SLC35F5: variants seen among roughly 807,000 people sequenced by gnomAD.
The protein encoded by SLC35F5 is solute carrier family 35 member F5.
SLC35F5 carries 54 observed loss-of-function variants against 68.6 expected under a neutral mutation model. The observed-to-expected ratio is 0.79, with a 90% CI of 0.63 to 0.99. The LOEUF is 0.99. Among genes scored for constraint, SLC35F5 ranks in the 50% least tolerant of loss-of-function variants. The probability of loss-of-function intolerance (pLI) is 0.00; values close to 1 mark genes in which losing one functional copy is unlikely to be tolerated. For synonymous variants in SLC35F5, 211 were observed against 205.2 expected, an observed-to-expected ratio of 1.03 and a Z score of -0.24; for missense variants, 567 against 626.9, an observed-to-expected ratio of 0.90 and a Z score of 1.02.
chr2:113,747,137 A>C (rs1676524560), intron 4 of SLC35F5, among the ~76,000 whole-genome samples: 1 of 151,886 alleles, frequency 6.6e-6, no homozygotes, highest in Admixed American at 6.6e-5. Context: ...AAAATGCAAA[A>C]ATTAGCTAGG....
In SLC35F5 at chr2:113,750,695, G is replaced by A. The variant is rs189666873; in HGVS notation, c.274-127C>T. 1,631 of 772,222 alleles carry A rather than the reference G, an allele frequency of 2.1e-3. 4 individuals carry two copies. Among genetic ancestry groups the A allele is most frequent in the Non-Finnish European group, 2.7e-3 (1,407 of 521,804 alleles). 47.8% of individuals were successfully genotyped at this position (772,222 alleles called of 1,614,324 possible). Reference sequence around the variant, plus strand: ...TCACTTGGAAAGAAAAAGTCAAAGCGATTACAAAAGTATTTTAGATCCATT... The same window carrying A: ...TCACTTGGAAAGAAAAAGTCAAAGCAATTACAAAAGTATTTTAGATCCATT... On this transcript the variant is annotated intron_variant, in intron 3 of 15. Coordinates refer to ENST00000245680, the MANE Select transcript of SLC35F5 (RefSeq NM_025181.5).
In SLC35F5 at chr2:113,756,356, C is replaced by A; in HGVS notation, c.40+14G>T. On this transcript the variant is annotated intron_variant, in intron 1 of 15. Coordinates refer to ENST00000245680, the MANE Select transcript of SLC35F5 (RefSeq NM_025181.5). Reference sequence around the variant, plus strand: ...GGGCTCCGGTGATGTCGGGGCCCTTCCCTGCCTGCCTACCTGGCCTTCCTG... The same window carrying A: ...GGGCTCCGGTGATGTCGGGGCCCTTACCTGCCTGCCTACCTGGCCTTCCTG... The A allele has an allele frequency of 6.4e-7, 1 of 1,570,754 alleles. No individual in the cohort carries two copies. The highest frequency in any genetic ancestry group is 2.4e-5 in the East Asian group (1 of 42,128).
At chr2:113,725,228 C>A (rs1687611754) in intron 12 of SLC35F5, 150 bp downstream of exon 12, 3 of 638,936 alleles carry the variant, frequency 4.7e-6, no homozygotes, top group Admixed American at 7.1e-5. Flanking sequence ...AAAACAAAGT[C>A]CCTGCTCTAG....
intron 14 of SLC35F5, 40 bp downstream of exon 14, chr2:113,719,114 A>G: frequency 6.4e-7 from 1 of 1,574,026 alleles, no homozygotes; most frequent in South Asian, 1.2e-5. Context: ...GTTATCTAGC[A>G]AACACTATTT....
At chr2:113,737,054 C>T (rs1479872067) in intron 7 of SLC35F5, among the ~76,000 whole-genome samples, 1 of 152,174 alleles carries the variant, frequency 6.6e-6, no homozygotes, top group African/African-American at 2.4e-5. Context: ...AGGTAGATTG[C>T]TGGGTCAAGC....
chr2:113,717,910 CCTT>C, intron 14 of SLC35F5, 60 bp from the exon 15 acceptor site: 1 of 1,210,530 alleles, frequency 8.3e-7, no homozygotes, highest in South Asian at 1.3e-5. Flanking sequence ...GAACCTCAAA[CCTT>C]ATTTATTCCA....
In SLC35F5 at chr2:113,712,685, A is replaced by C. The variant is rs1687032322; in HGVS notation, c.*2533T>G. On this transcript the variant is annotated 3_prime_UTR_variant, in exon 16 of 16. Coordinates refer to ENST00000245680, the MANE Select transcript of SLC35F5 (RefSeq NM_025181.5). ...TAGTTGAGATTCTGATGTTCACCTA[A>C]CAAAGTCCCTGACAAAACAGACTTC... The C allele has an allele frequency of 6.6e-6, 1 of 152,250 alleles. No individual in the cohort carries two copies. Among genetic ancestry groups the C allele is most frequent in the South Asian group, 2.1e-4 (1 of 4,830 alleles). 9.4% of individuals were successfully genotyped at this position (152,250 alleles called of 1,614,324 possible).
chr2:113,735,881 T>C (rs775784959), intron 7 of SLC35F5, 23 bp from the exon 8 acceptor site: 1 of 1,436,824 alleles, frequency 7.0e-7, no homozygotes, highest in Non-Finnish European at 9.7e-7. Flanking sequence ...AAAACCAAAG[T>C]GAACCCTAAT....
At chr2:113,742,559 TC>T in intron 7 of SLC35F5, 132 bp downstream of exon 7, 2 of 841,548 alleles carry the variant, frequency 2.4e-6, no homozygotes, top group East Asian at 5.0e-5. Context: ...CCTACCGGTA[TC>T]AAATAGCAGA....
At chr2:113,741,324 A>G (rs1007223791) in intron 7 of SLC35F5, among the ~76,000 whole-genome samples, 3 of 152,194 alleles carry the variant, frequency 2.0e-5, no homozygotes, top group Non-Finnish European at 4.4e-5. Context: ...TTTCAGTTTT[A>G]TAAGATGAAA....
chr2:113,752,149 T>C (rs534603323), intron 3 of SLC35F5, among the ~76,000 whole-genome samples: 215 of 151,500 alleles, frequency 1.4e-3, no homozygotes, highest in African/African-American at 5.1e-3. Context: ...GAGGCGGAGA[T>C]TGCAGTGAGC....
chr2:113,706,979 C>T lies in SLC35F5; in HGVS notation c.*8239G>A, dbSNP rs753355603. On this transcript the variant is annotated 3_prime_UTR_variant, in exon 16 of 16. Transcript: ENST00000245680. ...CAAGACAAAACCAGGGTAGTTTTGGCCCTAAATCATAGCTAACATAAGTAG... is the reference window on the plus strand; with the variant it reads ...CAAGACAAAACCAGGGTAGTTTTGGTCCTAAATCATAGCTAACATAAGTAG... Among the ~76,000 whole-genome samples the T allele has an allele frequency of 3.3e-5, 5 of 151,892 alleles. No individual in the cohort carries two copies. Among genetic ancestry groups the T allele is most frequent in the Non-Finnish European group, 7.4e-5 (5 of 67,982 alleles).
At chr2:113,732,148 CTAAAT>C (rs60188690) in intron 9 of SLC35F5, among the ~76,000 whole-genome samples, 74,602 of 151,434 alleles carry the variant, frequency 0.49, 18,943 homozygotes, top group Middle Eastern at 0.66. Flanking sequence ...TTGGTAAAAT[CTAAAT>C]TAACAGTAAA....
At chr2:113,747,818 G>A (rs565256400) in intron 4 of SLC35F5, among the ~76,000 whole-genome samples, 55 of 152,162 alleles carry the variant, frequency 3.6e-4, no homozygotes, top group Non-Finnish European at 6.3e-4. Context: ...TTGGCCGGGC[G>A]CAGTGGCTCA....
chr2:113,711,598 G>A lies in SLC35F5; in HGVS notation c.*3620C>T, dbSNP rs1052146688. On this transcript the variant is annotated 3_prime_UTR_variant, in exon 16 of 16. Transcript: ENST00000245680. Reference sequence around the variant, plus strand: ...TAAATGGGATTTGGGGGACACGGCAGACTATTAAAATAGAACTCAAACTTC... The same window carrying A: ...TAAATGGGATTTGGGGGACACGGCAAACTATTAAAATAGAACTCAAACTTC... 1.3e-5 allele frequency among the ~76,000 whole-genome samples: 2 copies of A among 152,158 alleles called. No individual in the cohort carries two copies. The highest frequency in any genetic ancestry group is 4.8e-5 in the African/African-American group (2 of 41,442).
At chr2:113,721,148 A>G (rs1687414670) in intron 13 of SLC35F5, 2 of 152,048 alleles carry the variant, frequency 1.3e-5, no homozygotes, top group African/African-American at 4.8e-5. Flanking sequence ...AAATACAGTT[A>G]GCTAATTAAA....
rs72833634 is a variant in SLC35F5, at chr2:113,709,973, G to A, written c.*5245C>T. 0.2 allele frequency among the ~76,000 whole-genome samples: 29,670 copies of A among 151,934 alleles called. 3,178 individuals are homozygous for A. The highest frequency in any genetic ancestry group is 0.24 in the South Asian group (1,174 of 4,814). ...ACTACAGGTATGCACTACCATGCCTGTTTGTTTTTTGTTTTTGTTTTTGTA... is the reference window on the plus strand; with the variant it reads ...ACTACAGGTATGCACTACCATGCCTATTTGTTTTTTGTTTTTGTTTTTGTA... On this transcript the variant is annotated 3_prime_UTR_variant, in exon 16 of 16. Transcript: ENST00000245680.
chr2:113,746,466 A>C (rs919156634), intron 4 of SLC35F5, 127 bp from the exon 5 acceptor site: 19 of 670,648 alleles, frequency 2.8e-5, no homozygotes, highest in Non-Finnish European at 5.4e-6. Flanking sequence ...ACTGTTACTA[A>C]TAATAATAGC....
rs558091938 is a variant in SLC35F5, at chr2:113,714,881, A to C, written c.*337T>G. ...ATATATTCCAGCATTTAACATGTGAAAATAAAGTCCCAGAACATTAGGATT... is the reference window on the plus strand; with the variant it reads ...ATATATTCCAGCATTTAACATGTGACAATAAAGTCCCAGAACATTAGGATT... On this transcript the variant is annotated 3_prime_UTR_variant, in exon 16 of 16. Coordinates refer to ENST00000245680, the MANE Select transcript of SLC35F5 (RefSeq NM_025181.5). 4 of 152,610 alleles carry C rather than the reference A, an allele frequency of 2.6e-5. No homozygotes were observed. Among genetic ancestry groups the C allele is most frequent in the Non-Finnish European group, 5.9e-5 (4 of 68,002 alleles). The allele number at this position is 152,610 out of a possible 1,614,324, so 9.5% of individuals were successfully genotyped here.
Sources: gnomAD v4.1 joint callset for allele counts (sites outside exome capture counted in the v4.1 genomes callset) on GRCh38, gnomAD v4.1.1 for gene constraint, MANE v1.5 for transcripts, NCBI Gene and HGNC (gene_info 2026-07-23, HGNC 2026-07-21) for gene names.